The following WNT11 variants were observed in gnomAD, a reference collection of about 807,000 sequenced individuals.
WNT11 encodes protein Wnt-11.
A neutral mutation model predicts 35.6 loss-of-function variants in WNT11; 20 were observed. The ratio of observed to expected loss-of-function variants is 0.56; its 90% confidence interval spans 0.40 to 0.82. WNT11 has a LOEUF of 0.82. WNT11 is among the 40% of genes least tolerant of loss of function. The pLI is 0.00. For missense variants in WNT11, 459 were observed against 504.4 expected (o/e 0.91, Z 0.86); for synonymous variants, 200 against 211.9 (o/e 0.94, Z 0.49).
At chr11:76,190,427 T>C (rs899221125) in intron 4 of WNT11, among the ~76,000 whole-genome samples, 7 of 151,906 alleles carry the variant, frequency 4.6e-5, no homozygotes, top group Non-Finnish European at 8.8e-5. Context: ...GCCGACCCCC[T>C]CAATCTGGCC....
chr11:76,194,877 G>A lies in WNT11; in HGVS notation c.320-33C>T, dbSNP rs1422992526. The A allele has an allele frequency of 6.8e-7, 1 of 1,469,422 alleles. No homozygotes were observed. Among genetic ancestry groups the A allele is most frequent in the Non-Finnish European group, 9.0e-7 (1 of 1,115,582 alleles). 91.0% of individuals were successfully genotyped at this position (1,469,422 alleles called of 1,614,324 possible). On this transcript the variant is annotated intron_variant, in intron 2 of 4. Transcript: ENST00000322563. The surrounding 1 kb of genome is among the most constrained non-coding windows in gnomAD (Gnocchi z 5.4). Reference sequence around the variant, plus strand: ...TGGGAGGGGAAGGTCAGCCGACGCTGATCCAGGGCTAGGACCCTGCCCAGG... The same window carrying A: ...TGGGAGGGGAAGGTCAGCCGACGCTAATCCAGGGCTAGGACCCTGCCCAGG...
chr11:76,195,353 G>T (rs1292323681), intron 2 of WNT11, among the ~76,000 whole-genome samples: 1 of 152,228 alleles, frequency 6.6e-6, no homozygotes, highest in Non-Finnish European at 1.5e-5. Flanking sequence ...CCAGTGGCTG[G>T]TGTCCTTATA....
At chr11:76,196,453 C>A (rs1262341830) in intron 2 of WNT11, 30 bp downstream of exon 2, 1 of 1,609,566 alleles carries the variant, frequency 6.2e-7, no homozygotes, top group Admixed American at 1.7e-5. Context: ...CCCGCACCCA[C>A]ATGCATTCAG....
At chr11:76,197,083 C>T (rs1320895418) in intron 1 of WNT11, among the ~76,000 whole-genome samples, 3 of 152,244 alleles carry the variant, frequency 2.0e-5, no homozygotes, top group African/African-American at 7.2e-5. Context: ...AATTATTAGT[C>T]TTTATTCAAC....
In WNT11 at chr11:76,191,846, G is replaced by A. The variant is rs757101648; in HGVS notation, c.608C>T (p.Ala203Val). The A allele has an allele frequency of 2.1e-5, 33 of 1,599,632 alleles. No homozygotes were observed. Among genetic ancestry groups the A allele is most frequent in the South Asian group, 6.6e-5 (6 of 91,030 alleles). The change falls in exon 4 of 5, where the codon GCC becomes GTC. Residue 203 changes from alanine to valine, a missense_variant. Coordinates refer to ENST00000322563, the MANE Select transcript of WNT11 (RefSeq NM_004626.3). ...NSEVGRQALR[A>V]SLEMKCKCHG... ...GCACTTACACTTCATTTCCAGAGAG[G>A]CGCGCAGAGCCTGCGGACAGGGGAA...
In WNT11 at chr11:76,196,561, G is replaced by T; in HGVS notation, c.241C>A (p.Arg81Ser). 1 of 1,613,624 alleles carries T rather than the reference G, an allele frequency of 6.2e-7. No homozygotes were observed. The highest frequency in any genetic ancestry group is 2.2e-5 in the East Asian group (1 of 44,886). Residue 81 changes from arginine to serine, a missense_variant, in exon 2 of 5, where the codon CGC becomes AGC. Transcript: ENST00000322563. ...HAAREVMKAC[R>S]RAFADMRWNC... is the part of the protein sequence containing the mutation. The stretch of plus-strand genomic sequence containing the variant: ...CAGCGCATGTCGGCAAAGGCCCGGC[G>T]ACAGGCCTTCATGACCTCGCGGGCG...
chr11:76,210,348 C>T (rs1953548165), upstream of WNT11: 1 of 844,730 alleles, frequency 1.2e-6, no homozygotes. Flanking sequence ...TTTGCTTACC[C>T]GGGAGTGGGT....
upstream of WNT11, among the ~76,000 whole-genome samples, chr11:76,208,049 T>G (rs1387106724): frequency 1.3e-5 from 2 of 152,186 alleles, no homozygotes; most frequent in African/African-American, 4.8e-5. Flanking sequence ...CTTATCTGGC[T>G]CTGTGAGCTT....
chr11:76,188,852 A>G (rs1017033945), intron 4 of WNT11, among the ~76,000 whole-genome samples: 1 of 152,244 alleles, frequency 6.6e-6, no homozygotes, highest in African/African-American at 2.4e-5. Flanking sequence ...CAGCCTGGGC[A>G]AAGGCAGAAG....
chr11:76,208,826 C>T (rs1347142762), upstream of WNT11, among the ~76,000 whole-genome samples: 23 of 152,198 alleles, frequency 1.5e-4, no homozygotes, highest in Non-Finnish European at 3.4e-4. Context: ...AGCGCCTGGC[C>T]CGAGCCTCTG....
chr11:76,202,488 T>C (rs965231943), intron 1 of WNT11, among the ~76,000 whole-genome samples: 1 of 152,140 alleles, frequency 6.6e-6, no homozygotes. Context: ...CTGGTGCCCA[T>C]GTGGCAGGGA....
In WNT11 at chr11:76,201,420, C is replaced by T. The variant is rs183912127; in HGVS notation, c.84-4702G>A. 2.3e-4 allele frequency among the ~76,000 whole-genome samples: 35 copies of T among 152,348 alleles called. No individual in the cohort carries two copies. In the East Asian group the frequency reaches 6.4e-3, roughly 28 times the overall value. ...GTAATGACCGTTTCCAAATAAATCC[C>T]CCTTGGGGAGGTAATCAAGGATTAG... On this transcript the variant is annotated intron_variant, in intron 1 of 4. Coordinates refer to ENST00000322563, the MANE Select transcript of WNT11 (RefSeq NM_004626.3).
chr11:76,193,698 TA>T (rs1953223939), intron 3 of WNT11, among the ~76,000 whole-genome samples: 1 of 152,232 alleles, frequency 6.6e-6, no homozygotes, highest in African/African-American at 2.4e-5. Context: ...TCCTGGGCTC[TA>T]TTGTGCCGTG....
intron 3 of WNT11, among the ~76,000 whole-genome samples, chr11:76,192,843 T>C (rs568580223): frequency 1.3e-5 from 2 of 152,300 alleles, no homozygotes; most frequent in Admixed American, 1.3e-4. Flanking sequence ...CTTGGATTCC[T>C]CTGCCCAGGC....
chr11:76,194,923 C>A lies in WNT11; in HGVS notation c.320-79G>T. ...CCAGGTCAGAGGTCCTCCACCTTCG[C>A]CCACACCCTGCTGTAACCAAGGTGA... On this transcript the variant is annotated intron_variant, in intron 2 of 4. Transcript: ENST00000322563. This position sits in a 1 kb window ranked among gnomAD's most constrained non-coding sequence, Gnocchi z 5.4. The A allele has an allele frequency of 7.0e-7, 1 of 1,423,302 alleles. No homozygotes were observed. Among genetic ancestry groups the A allele is most frequent in the Non-Finnish European group, 9.2e-7 (1 of 1,088,550 alleles). The allele number at this position is 1,423,302 out of a possible 1,614,324, so 88.2% of individuals were successfully genotyped here.
intron 1 of WNT11, among the ~76,000 whole-genome samples, chr11:76,198,604 T>C (rs946500966): frequency 3.3e-5 from 5 of 152,200 alleles, no homozygotes; most frequent in Admixed American, 2.0e-4. Context: ...GGAAGAAGTA[T>C]TTACTAAGCA....
chr11:76,207,681 C>T (rs1011511796), upstream of WNT11, among the ~76,000 whole-genome samples: 1 of 152,198 alleles, frequency 6.6e-6, no homozygotes, highest in Admixed American at 6.5e-5. Flanking sequence ...AGCATGCGGG[C>T]TGGGACTGGG....
upstream of WNT11, chr11:76,210,551 C>A: frequency 2.0e-6 from 2 of 985,250 alleles, no homozygotes; most frequent in African/African-American, 1.7e-5. Context: ...CGGTTTCCAG[C>A]GGGCCCGTGC....
chr11:76,195,509 G>A (rs949645059), intron 2 of WNT11, among the ~76,000 whole-genome samples: 57 of 152,360 alleles, frequency 3.7e-4, no homozygotes, highest in African/African-American at 1.3e-3. Flanking sequence ...GGCCAGGAAG[G>A]ATCCTCCCTA....
Sources: gnomAD v4.1 joint callset for allele counts (sites outside exome capture counted in the v4.1 genomes callset) on GRCh38, gnomAD v4.1.1 for gene constraint, Gnocchi (gnomAD v3.1) non-coding constraint, MANE v1.5 for transcripts, NCBI Gene and HGNC (gene_info 2026-07-23, HGNC 2026-07-21) for gene names.